Variants in DMBT1 observed in about 807,000 individuals in gnomAD.
DMBT1 encodes the protein deleted in malignant brain tumors 1, also known as scavenger receptor cysteine-rich domain-containing protein DMBT1.
A neutral mutation model predicts 252.9 loss-of-function variants in DMBT1; 198 were observed. The observed-to-expected ratio is 0.78, with a 90% confidence interval of 0.70 to 0.88. The LOEUF is 0.88. Among genes scored for constraint, DMBT1 ranks in the 40% least tolerant of loss-of-function variants. The pLI, the probability that DMBT1 is intolerant of heterozygous loss-of-function variation, is 0.00. For synonymous variants in DMBT1, 990 were observed against 942.7 expected, an observed-to-expected ratio of 1.05 and a Z score of -0.92; for missense variants, 2,432 against 2,404.7, an observed-to-expected ratio of 1.01 and a Z score of -0.24.
In DMBT1 at chr10:122,576,609, C is replaced by T. The variant is rs200063826; in HGVS notation, c.494C>T (p.Ala165Val). 2.0e-4 allele frequency: 316 copies of T among 1,613,530 alleles called. 4 individuals are homozygous for T. In the East Asian group the frequency reaches 6.2e-3, roughly 32 times the overall value. Residue 165 changes from alanine to valine, a missense_variant, in exon 7 of 56, where the codon GCC becomes GTC. Around this residue, in one of 3 missense-constraint regions of DMBT1, gnomAD observed 1,264 missense variants for 1,082.2 expected, o/e 1.17. Transcript: ENST00000338354. ...AWFGQGSGPI[A>V]LDDVRCSGHE... is the part of the protein sequence containing the mutation. ...TTTGGCCAGGGCTCAGGACCCATTG[C>T]CCTGGATGATGTGCGCTGCTCAGGA...
intron 8 of DMBT1, 122 bp downstream of exon 8, chr10:122,577,962 A>G: frequency 7.5e-6 from 8 of 1,060,756 alleles, no homozygotes; most frequent in Non-Finnish European, 1.1e-5. Context: ...TTCACCCCCA[A>G]CTCTGTAACT....
intron 7 of DMBT1, 123 bp from the exon 8 acceptor site, chr10:122,577,688 C>A: frequency 8.9e-7 from 1 of 1,118,250 alleles, no homozygotes; most frequent in Non-Finnish European, 1.3e-6. Context: ...ACTGGCAGGG[C>A]CCACTTGGTG....
intron 40 of DMBT1, among the ~76,000 whole-genome samples, chr10:122,617,592 A>C (rs1342854559): frequency 6.6e-6 from 1 of 151,608 alleles, no homozygotes; most frequent in East Asian, 2.0e-4. Flanking sequence ...AGGGTGGGTG[A>C]AAATTTCTGT....
At chr10:122,587,822 C>T (rs1229412579) in intron 16 of DMBT1, among the ~76,000 whole-genome samples, 1 of 148,544 alleles carries the variant, frequency 6.7e-6, no homozygotes, top group East Asian at 2.1e-4. Context: ...ATCAGAGGCT[C>T]AGCAATGGTG....
chr10:122,630,310 A>G lies in DMBT1; in HGVS notation c.5845A>G (p.Ser1949Gly). Residue 1949 changes from serine (S) to glycine (G), a missense_variant, in exon 48 of 56, where the codon AGT becomes GGT. Physicochemically the swap from Ser to Gly is moderately conservative, Grantham distance 56. Around this residue, in one of 3 missense-constraint regions of DMBT1, gnomAD observed 1,162 missense variants for 1,169.0 expected, o/e 0.99. Transcript: ENST00000338354. Reference sequence around the variant, plus strand: ...CAGATTGGAGGCACACCATAACTGCAGTTTTGATTATGTTGAAATCTTTGA... The same window carrying G: ...CAGATTGGAGGCACACCATAACTGCGGTTTTGATTATGTTGAAATCTTTGA... ...NLKLEAHHNC[S>G]FDYVEIFDGS... 10 of 1,614,014 alleles carry G rather than the reference A, an allele frequency of 6.2e-6. No individual in the cohort carries two copies. Among genetic ancestry groups the G allele is most frequent in the Non-Finnish European group, 8.5e-6 (10 of 1,179,860 alleles).
chr10:122,599,162 T>A, intron 26 of DMBT1, 65 bp downstream of exon 26: 2 of 1,611,704 alleles, frequency 1.2e-6, no homozygotes, highest in South Asian at 2.2e-5. Context: ...AAACTCCTAA[T>A]TACATTCTGA....
chr10:122,580,688 G>A (rs1043955359), intron 10 of DMBT1, among the ~76,000 whole-genome samples, 178 bp from the exon 11 acceptor site: 1 of 152,062 alleles, frequency 6.6e-6, no homozygotes, highest in Non-Finnish European at 1.5e-5. Flanking sequence ...GACAGGATCT[G>A]CCTCGACCCC....
intron 16 of DMBT1, among the ~76,000 whole-genome samples, chr10:122,586,815 C>T (rs1237096905): frequency 6.7e-6 from 1 of 148,196 alleles, no homozygotes; most frequent in Non-Finnish European, 1.5e-5. Flanking sequence ...GTACTCCTGG[C>T]AGAGGGGATG....
intron 40 of DMBT1, among the ~76,000 whole-genome samples, chr10:122,617,509 C>G (rs369381639): frequency 1.3e-5 from 2 of 151,478 alleles, no homozygotes; most frequent in Non-Finnish European, 2.9e-5. Flanking sequence ...GTGCTCAGGA[C>G]GAGCACTGGA....
intron 16 of DMBT1, among the ~76,000 whole-genome samples, chr10:122,586,814 G>A (rs1301945440): frequency 6.7e-6 from 1 of 148,382 alleles, no homozygotes; most frequent in Non-Finnish European, 1.5e-5. Context: ...TGTACTCCTG[G>A]CAGAGGGGAT....
intron 46 of DMBT1, among the ~76,000 whole-genome samples, chr10:122,628,420 G>A (rs2098133918): frequency 6.6e-6 from 1 of 152,190 alleles, no homozygotes; most frequent in African/African-American, 2.4e-5. Context: ...CGGATTGGCT[G>A]AGGTCAGGAC....
At chr10:122,563,102 GC>G (rs901560531) in intron 1 of DMBT1, among the ~76,000 whole-genome samples, 22 of 152,206 alleles carry the variant, frequency 1.4e-4, no homozygotes, top group Non-Finnish European at 3.2e-4. Flanking sequence ...GAGGTGGCAG[GC>G]ACCTGTCAGC....
chr10:122,573,665 C>T (rs1565588650), intron 5 of DMBT1, 50 bp from the exon 6 acceptor site: 1 of 1,608,702 alleles, frequency 6.2e-7, no homozygotes, highest in East Asian at 2.2e-5. Context: ...GACCAACCCT[C>T]CCCAAGCGAG....
intron 53 of DMBT1, among the ~76,000 whole-genome samples, chr10:122,636,817 C>A (rs576077552): frequency 2.3e-4 from 35 of 152,360 alleles, no homozygotes; most frequent in Middle Eastern, 6.8e-3. Flanking sequence ...TTTGATCATA[C>A]AGTTACTTTA....
chr10:122,580,783 G>C, intron 10 of DMBT1, 83 bp from the exon 11 acceptor site: 1 of 1,536,180 alleles, frequency 6.5e-7, no homozygotes, highest in Non-Finnish European at 9.0e-7. Context: ...TGTCAGACTC[G>C]CTCATTTCTT....
At chr10:122,580,046 A>G in intron 10 of DMBT1, 145 bp downstream of exon 10, 1 of 1,461,246 alleles carries the variant, frequency 6.8e-7, no homozygotes, top group Non-Finnish European at 9.1e-7. Context: ...AAGAATCCAT[A>G]TGTACTCACT....
Position 122,560,839 on chromosome 10 carries a change from G to A in DMBT1, c.61+8G>A, listed in dbSNP as rs79078159. On this transcript the variant is annotated splice_region_variant and intron_variant, in intron 1 of 55. Coordinates refer to ENST00000338354, the MANE Select transcript of DMBT1 (RefSeq NM_001377530.1). The stretch of plus-strand genomic sequence containing the variant: ...GACAAGTTCTATCTACAGGTATTAC[G>A]TTTAATTATTATATTCATTAATTTC... 9,502 of 1,553,444 alleles carry A rather than the reference G, an allele frequency of 6.1e-3. 372 individuals are homozygous for A. In the East Asian group the frequency reaches 0.11, roughly 18 times the overall value.
intron 16 of DMBT1, among the ~76,000 whole-genome samples, chr10:122,587,667 G>T (rs1219931911): frequency 1.3e-5 from 2 of 148,504 alleles, no homozygotes; most frequent in African/African-American, 4.9e-5. Flanking sequence ...CCCAGATGCA[G>T]CAGGGCCCCA....
At chr10:122,574,464 G>A (rs918359522) in intron 6 of DMBT1, among the ~76,000 whole-genome samples, 25 of 152,142 alleles carry the variant, frequency 1.6e-4, no homozygotes, top group Non-Finnish European at 1.9e-4. Context: ...AATGCTGATG[G>A]TACATGCATC....
Sources: allele counts gnomAD v4.1 joint callset (sites outside exome capture counted in the v4.1 genomes callset), GRCh38; gene constraint gnomAD v4.1.1; regional missense constraint gnomAD v4.1.1; transcripts MANE v1.5; gene names NCBI Gene and HGNC (gene_info 2026-07-23, HGNC 2026-07-21).